Variants in ABCB9 observed in about 807,000 individuals in gnomAD.
The protein encoded by ABCB9 is ABC-type oligopeptide transporter ABCB9.
In ABCB9, 36 loss-of-function variants were observed where a neutral mutation model predicts 62.0. The ratio of observed to expected loss-of-function variants is 0.58; its 90% confidence interval spans 0.45 to 0.77. ABCB9 has a LOEUF of 0.77. Ranked by LOEUF, ABCB9 falls within the 30% of genes least tolerant of loss-of-function variation. The probability of loss-of-function intolerance (pLI) is 0.00; values close to 1 mark genes in which losing one functional copy is unlikely to be tolerated. For synonymous variants in ABCB9, 435 were observed against 461.4 expected, an observed-to-expected ratio of 0.94 and a Z score of 0.73; for missense variants, 943 against 1,054.7, an observed-to-expected ratio of 0.89 and a Z score of 1.47.
rs2035665673 is a variant in ABCB9, at chr12:122,940,092, C to A, written c.1743+19G>T. 1 of 1,601,858 alleles carries A rather than the reference C, an allele frequency of 6.2e-7. No homozygotes were observed. The highest frequency in any genetic ancestry group is 1.1e-5 in the South Asian group (1 of 89,242). On this transcript the variant is annotated intron_variant, in intron 9 of 11. Coordinates refer to ENST00000280560, the MANE Select transcript of ABCB9 (RefSeq NM_019625.4). The surrounding 1 kb of genome is among the most constrained non-coding windows in gnomAD (Gnocchi z 4.8). ...ATGCAGAAAGGGCGGAGAAGTGTGG[C>A]CCAGGCCCGTGCACATACCACACGG...
intron 11 of ABCB9, among the ~76,000 whole-genome samples, chr12:122,923,540 T>C (rs905008431): frequency 7.2e-5 from 11 of 152,170 alleles, no homozygotes; most frequent in South Asian, 2.1e-4. Flanking sequence ...CCGCCCGCCT[T>C]GGCCTCCCAA....
rs2036259238 is a variant in ABCB9 at position 122,949,856 on chromosome 12, C to T, written c.779G>A (p.Arg260His). 5.0e-6 allele frequency: 8 copies of T among 1,614,060 alleles called. No homozygotes were observed. The highest frequency in any genetic ancestry group is 1.7e-5 in the Admixed American group (1 of 60,006). The part of the protein sequence containing the change: ...FTLIFARLNI[R>H]LRNCLFRSLV... ...TGAGCGGAAGAGACAGTTTCGAAGGCGAATGTTCAGTCTGGCAAATATGAG... is the reference window on the plus strand; with the variant it reads ...TGAGCGGAAGAGACAGTTTCGAAGGTGAATGTTCAGTCTGGCAAATATGAG... The change falls in exon 4 of 12, where the codon CGC becomes CAC. Residue 260 changes from arginine (R) to histidine (H), a missense_variant. Coordinates refer to ENST00000280560, the MANE Select transcript of ABCB9 (RefSeq NM_019625.4).
chr12:122,918,997 G>C (rs2034685015), downstream of ABCB9, among the ~76,000 whole-genome samples: 1 of 152,068 alleles, frequency 6.6e-6, no homozygotes, highest in South Asian at 2.1e-4. Context: ...TACCATAGGT[G>C]ACCTTCCCTG....
At position 122,930,499 on chromosome 12, in the gene ABCB9, G is replaced by C. The variant is rs1593972266; in HGVS notation, c.2041-328C>G. Among the ~76,000 whole-genome samples the C allele has an allele frequency of 6.7e-6, 1 of 149,472 alleles. No individual in the cohort carries two copies. The highest frequency in any genetic ancestry group is 6.8e-5 in the Admixed American group (1 of 14,798). On this transcript the variant is annotated intron_variant, in intron 11 of 11. Transcript: ENST00000280560. The surrounding 1 kb of genome is among the most constrained non-coding windows in gnomAD (Gnocchi z 4.9). ...CTCAGCTCACTGCAACCTCTGCCTCGTGGGTTCAATCGAGTCTCACGCCTC... is the reference window on the plus strand; with the variant it reads ...CTCAGCTCACTGCAACCTCTGCCTCCTGGGTTCAATCGAGTCTCACGCCTC...
intron 1 of ABCB9, chr12:122,974,418 C>T (rs1241973058): frequency 6.6e-6 from 1 of 152,258 alleles, no homozygotes. Flanking sequence ...GGTTCAAACG[C>T]CATATTTGCC....
intron 2 of ABCB9, among the ~76,000 whole-genome samples, chr12:122,957,382 A>C (rs1439870024): frequency 6.6e-6 from 1 of 151,962 alleles, no homozygotes; most frequent in African/African-American, 2.4e-5. Flanking sequence ...GGAAATAAGG[A>C]CTCCAACAAT....
intron 11 of ABCB9, among the ~76,000 whole-genome samples, chr12:122,922,533 C>A (rs2034774335): frequency 6.6e-6 from 1 of 152,058 alleles, no homozygotes; most frequent in Non-Finnish European, 1.5e-5. Flanking sequence ...GCATGTGCCA[C>A]CACGCCCGGC....
At chr12:122,953,770 C>T (rs1396961950) in intron 2 of ABCB9, among the ~76,000 whole-genome samples, 2 of 152,162 alleles carry the variant, frequency 1.3e-5, no homozygotes, top group African/African-American at 2.4e-5. Context: ...GATCTGCCCG[C>T]CTCGGCCTTC....
chr12:122,946,175 C>A lies in ABCB9; in HGVS notation c.1101G>T (p.Thr367=). Residue 367 remains threonine (T), a synonymous_variant, in exon 6 of 12, where the codon ACG becomes ACT. Coordinates refer to ENST00000280560, the MANE Select transcript of ABCB9 (RefSeq NM_019625.4). ...VQNALARASN[T]AEETISAMKT... is the part of the protein sequence containing the mutation. ...TCATGGCACTGATGGTCTCCTCCGCCGTGTTGCTCGCTCTGGCCAGGGCAT... is the reference window on the plus strand; with the variant it reads ...TCATGGCACTGATGGTCTCCTCCGCAGTGTTGCTCGCTCTGGCCAGGGCAT... 2 of 1,614,154 alleles carry A rather than the reference C, an allele frequency of 1.2e-6. No homozygotes were observed. Among genetic ancestry groups the A allele is most frequent in the Non-Finnish European group, 1.7e-6 (2 of 1,180,046 alleles).
chr12:122,946,107 A>T lies in ABCB9; in HGVS notation c.1169T>A (p.Val390Glu), dbSNP rs1309467989. The T allele has an allele frequency of 3.1e-6, 5 of 1,613,778 alleles. No homozygotes were observed. Among genetic ancestry groups the T allele is most frequent in the Non-Finnish European group, 8.5e-7 (1 of 1,179,972 alleles). Residue 390 changes from valine to glutamate, a missense_variant, in exon 6 of 12, where the codon GTG (valine) becomes GAG (glutamate). By Grantham distance (121) the Val-to-Glu change is moderately radical (BLOSUM62 -2). Coordinates refer to ENST00000280560, the MANE Select transcript of ABCB9 (RefSeq NM_019625.4). ...CACCTGCTGCAGCTTCCGCAGGTAC[A>T]CCTCTGCCTCCTCCTCCTCATTGGC... ...SFANEEEEAE[V>E]YLRKLQQVYK...
intron 2 of ABCB9, among the ~76,000 whole-genome samples, chr12:122,953,417 G>A (rs905319568): frequency 4.0e-5 from 6 of 150,838 alleles, no homozygotes; most frequent in Non-Finnish European, 5.9e-5. Flanking sequence ...AGATGGAGTC[G>A]CACTCCGTCG....
rs750598545 is a variant in ABCB9, at chr12:122,930,121, G to A, written c.2091C>T (p.Ile697=). The A allele has an allele frequency of 2.5e-5, 39 of 1,554,912 alleles. No individual in the cohort carries two copies. Among genetic ancestry groups the A allele is most frequent in the East Asian group, 7.3e-5 (3 of 41,246 alleles). The change falls in exon 12 of 12, where the codon ATC becomes ATT. Residue 697 remains isoleucine, a synonymous_variant. Transcript: ENST00000280560. This position sits in a 1 kb window ranked among gnomAD's most constrained non-coding sequence, Gnocchi z 4.9. ...GNLQKHTVLI[I]AHRLSTVEHA... is the part of the protein sequence containing the mutation. ...GCTCCACGGTGCTCAGCCGGTGCGC[G>A]ATGATGAGTACCGTGTGCTTCTGCA...
In ABCB9 at chr12:122,930,013, G is replaced by T; in HGVS notation, c.2199C>A (p.Leu733=). The T allele has an allele frequency of 6.4e-7, 1 of 1,574,772 alleles. No homozygotes were observed. Residue 733 remains leucine, a synonymous_variant, in exon 12 of 12, where the codon CTC becomes CTA. Transcript: ENST00000280560. The surrounding 1 kb of genome is among the most constrained non-coding windows in gnomAD (Gnocchi z 4.9). The stretch of plus-strand genomic sequence containing the variant: ...TCTGCCGCTGCACCAGCTTGGCGTA[G>T]AGGCCGCCCTGGGCCAGCAGCTGCT... ...THQQLLAQGG[L]YAKLVQRQML...
chr12:122,963,046 C>G (rs1229200806), intron 1 of ABCB9, among the ~76,000 whole-genome samples: 1 of 152,202 alleles, frequency 6.6e-6, no homozygotes, highest in African/African-American at 2.4e-5. Context: ...GTAATCCCAT[C>G]TGGGCCTCTT....
chr12:122,926,352 C>G (rs2135738936), downstream of ABCB9, among the ~76,000 whole-genome samples: 1 of 152,224 alleles, frequency 6.6e-6, no homozygotes, highest in East Asian at 1.9e-4. Context: ...CAAGACCAGC[C>G]TGGCCAACAT....
chr12:122,922,504 C>T lies in ABCB9; in HGVS notation c.2041-1461G>A, dbSNP rs143946426. Among the ~76,000 whole-genome samples, 1,436 of 152,106 alleles carry T rather than the reference C, an allele frequency of 9.4e-3. 22 individuals carry two copies. The highest frequency in any genetic ancestry group is 0.032 in the African/African-American group (1,344 of 41,468). ...AAGTGATTCTCCTGCCTCAGCTTCC[C>T]GAGTAGCTGGGACTACAGGCATGTG... On this transcript the variant is annotated intron_variant, in intron 11 of 11. Transcript: ENST00000344275.
At chr12:122,943,850 A>G (rs2035895800) in intron 7 of ABCB9, among the ~76,000 whole-genome samples, 1 of 152,054 alleles carries the variant, frequency 6.6e-6, no homozygotes, top group Non-Finnish European at 1.5e-5. Flanking sequence ...ATCACGGCTC[A>G]CTGCGGCCTT....
chr12:122,938,945 G>C (rs1385778745), intron 9 of ABCB9, among the ~76,000 whole-genome samples: 1 of 152,200 alleles, frequency 6.6e-6, no homozygotes, highest in Non-Finnish European at 1.5e-5. Flanking sequence ...GCCAAGGCAG[G>C]CTGATCACCT....
chr12:122,921,839 A>G (rs797011705), intron 11 of ABCB9, among the ~76,000 whole-genome samples: 2 of 152,216 alleles, frequency 1.3e-5, no homozygotes, highest in African/African-American at 4.8e-5. Context: ...CAAAAAAAAA[A>G]TTTAAAAAAT....
Sources: gnomAD v4.1 joint callset for allele counts (sites outside exome capture counted in the v4.1 genomes callset) on GRCh38, gnomAD v4.1.1 for gene constraint, Gnocchi (gnomAD v3.1) non-coding constraint, MANE v1.5 for transcripts, NCBI Gene and HGNC (gene_info 2026-07-23, HGNC 2026-07-21) for gene names.